CDKN2B-AS1: variants seen among roughly 807,000 people sequenced by gnomAD.
CDKN2B-AS1 encodes the protein CDKN2B and CDKN2A antisense cis and trans regulatory RNA 1.
intron 4 of CDKN2B-AS1, among the ~76,000 whole-genome samples, chr9:22,091,047 C>T (rs1057335456): frequency 1.3e-5 from 2 of 152,148 alleles, no homozygotes; most frequent in Admixed American, 1.3e-4. Context: ...CTACATATGG[C>T]TAGCCAGTTT....
chr9:22,044,977 C>T (rs191149376), intron 1 of CDKN2B-AS1, among the ~76,000 whole-genome samples: 1 of 149,156 alleles, frequency 6.7e-6, no homozygotes, highest in Non-Finnish European at 1.5e-5. Context: ...ATGATCAATA[C>T]TTATTTTGTA....
At position 22,039,887 on chromosome 9, in the gene CDKN2B-AS1, GA is replaced by G. The variant is rs1822831266; in HGVS notation, n.30-6863del. The stretch of plus-strand genomic sequence containing the variant: ...GGTCATTGCAAATATAATTAGTTAA[GA>G]TGCGATCTTACTGACATAGGAGAAG... On this transcript the variant is annotated intron_variant and non_coding_transcript_variant, in intron 1 of 4. Coordinates refer to ENST00000650946, the Ensembl canonical transcript of CDKN2B-AS1. The surrounding 1 kb of genome is among the most constrained non-coding windows in gnomAD (Gnocchi z 4.4). Among the ~76,000 whole-genome samples, 1 of 152,022 alleles carries G rather than the reference GA, an allele frequency of 6.6e-6. No individual in the cohort carries two copies. Among genetic ancestry groups the G allele is most frequent in the South Asian group, 2.1e-4 (1 of 4,828 alleles).
chr9:22,074,033 T>G (rs2131319743), intron 4 of CDKN2B-AS1, among the ~76,000 whole-genome samples: 1 of 152,072 alleles, frequency 6.6e-6, no homozygotes, highest in Non-Finnish European at 1.5e-5. Context: ...CTGGCTAATT[T>G]TTGTATTTTT....
chr9:22,065,177 A>C (rs1317743017), intron 4 of CDKN2B-AS1, among the ~76,000 whole-genome samples: 1 of 152,170 alleles, frequency 6.6e-6, no homozygotes, highest in Non-Finnish European at 1.5e-5. Context: ...TACCTCCGTC[A>C]GCACTTCTCC....
intron 4 of CDKN2B-AS1, among the ~76,000 whole-genome samples, chr9:22,105,220 G>A (rs1409775867): frequency 6.6e-6 from 1 of 152,210 alleles, no homozygotes; most frequent in Non-Finnish European, 1.5e-5. Flanking sequence ...CTGCACATAT[G>A]AAGACTATGG....
intron 3 of CDKN2B-AS1, chr9:22,056,191 C>G (rs1823559662): frequency 1.4e-5 from 2 of 142,912 alleles, no homozygotes; most frequent in African/African-American, 2.6e-5. Context: ...CCACATCCAG[C>G]TAATTTATAT....
intron 1 of CDKN2B-AS1, among the ~76,000 whole-genome samples, chr9:22,010,242 T>C (rs1213975374): frequency 6.6e-6 from 1 of 152,208 alleles, no homozygotes; most frequent in Non-Finnish European, 1.5e-5. Flanking sequence ...AGTGCTTTTT[T>C]TCCCCTTCCT....
chr9:22,083,797 G>T (rs1403945585), intron 4 of CDKN2B-AS1, among the ~76,000 whole-genome samples: 2 of 152,162 alleles, frequency 1.3e-5, no homozygotes, highest in African/African-American at 4.8e-5. Context: ...GAGATGGACT[G>T]GTCCTGTGGA....
intron 4 of CDKN2B-AS1, among the ~76,000 whole-genome samples, chr9:22,107,959 G>A (rs1012202298): frequency 1.1e-4 from 16 of 152,134 alleles, no homozygotes; most frequent in African/African-American, 3.6e-4. Flanking sequence ...CAAACCAGCC[G>A]TCAATGGGAA....
At position 21,995,268 on chromosome 9, in the gene CDKN2B-AS1, T is replaced by A. The variant is rs1315301523; in HGVS notation, n.29+107T>A. 6.6e-6 allele frequency: 1 copy of A among 152,380 alleles called. No homozygotes were observed. Among genetic ancestry groups the A allele is most frequent in the African/African-American group, 2.4e-5 (1 of 41,600 alleles). 9.4% of individuals were successfully genotyped at this position (152,380 alleles called of 1,614,324 possible). On this transcript the variant is annotated intron_variant and non_coding_transcript_variant, in intron 1 of 4. Coordinates refer to ENST00000650946, the Ensembl canonical transcript of CDKN2B-AS1. The surrounding 1 kb of genome is among the most constrained non-coding windows in gnomAD (Gnocchi z 5.7). ...TGGCTGGGACAAGCACCGAGTCCTT[T>A]GTGTCTAGCCCATTTTTATTTTCGG...
intron 1 of CDKN2B-AS1, chr9:22,012,485 C>G (rs992019432): frequency 1.5e-6 from 1 of 680,208 alleles, no homozygotes; most frequent in Non-Finnish European, 2.8e-6. Flanking sequence ...TGTCAATTGC[C>G]GCAAGAAGAA....
At chr9:22,062,967 T>C (rs1563956396) in intron 4 of CDKN2B-AS1, among the ~76,000 whole-genome samples, 2 of 63,556 alleles carry the variant, frequency 3.1e-5, no homozygotes, top group African/African-American at 1.4e-4. Context: ...TGTGTGTGTG[T>C]GAAAGACAGA....
At chr9:22,123,125 G>A (rs1826134144) in intron 4 of CDKN2B-AS1, among the ~76,000 whole-genome samples, 1 of 151,888 alleles carries the variant, frequency 6.6e-6, no homozygotes, top group African/African-American at 2.4e-5. Flanking sequence ...ATTGTAAATG[G>A]GATTGCCTTC....
chr9:22,008,097 G>A (rs907658537), intron 1 of CDKN2B-AS1, among the ~76,000 whole-genome samples: 2 of 152,164 alleles, frequency 1.3e-5, no homozygotes, highest in African/African-American at 4.8e-5. Flanking sequence ...TTGAATAAGT[G>A]TATTTTAACA....
intron 1 of CDKN2B-AS1, among the ~76,000 whole-genome samples, chr9:22,017,750 T>C (rs1821834512): frequency 6.6e-6 from 1 of 152,074 alleles, no homozygotes. Flanking sequence ...TTGTTCATTA[T>C]AAGCATTTAA....
At chr9:22,125,743 T>C (rs1818010068) in intron 4 of CDKN2B-AS1, among the ~76,000 whole-genome samples, 1 of 152,220 alleles carries the variant, frequency 6.6e-6, no homozygotes, top group African/African-American at 2.4e-5. Context: ...ACAATTATGT[T>C]CACTGTGGTA....
At chr9:22,032,064 G>C (rs894065033) in intron 1 of CDKN2B-AS1, among the ~76,000 whole-genome samples, 2 of 152,212 alleles carry the variant, frequency 1.3e-5, no homozygotes, top group Non-Finnish European at 2.9e-5. Context: ...CCCCAGCCTT[G>C]GTAGACACCT....
chr9:22,090,059 T>C (rs910914020), intron 4 of CDKN2B-AS1, among the ~76,000 whole-genome samples: 4 of 147,398 alleles, frequency 2.7e-5, no homozygotes, highest in Non-Finnish European at 3.0e-5. Context: ...TTCCCACCTA[T>C]GAGTGAGAAC....
chr9:22,115,237 T>A (rs1485712215), intron 4 of CDKN2B-AS1, among the ~76,000 whole-genome samples: 2 of 152,234 alleles, frequency 1.3e-5, no homozygotes, highest in Non-Finnish European at 2.9e-5. Context: ...CATTATGTTG[T>A]GCATGACCTC....
Sources: allele counts gnomAD v4.1 joint callset (sites outside exome capture counted in the v4.1 genomes callset), GRCh38; gene constraint gnomAD v4.1.1; non-coding constraint Gnocchi (gnomAD v3.1); transcripts MANE v1.5; gene names NCBI Gene and HGNC (gene_info 2026-07-23, HGNC 2026-07-21).